Variants in DCLK2 observed in about 807,000 individuals in gnomAD.
The protein encoded by DCLK2 is doublecortin like kinase 2, also known as serine/threonine-protein kinase DCLK2.
Under a neutral mutation model 78.4 loss-of-function variants are expected in DCLK2, and 31 were observed. The ratio of observed to expected loss-of-function variants is 0.40; its 90% CI spans 0.30 to 0.53. The LOEUF (loss-of-function observed/expected upper bound fraction) is 0.53, where lower values mean the gene tolerates loss of function less well. Ranked by LOEUF, DCLK2 falls within the 20% of genes least tolerant of loss-of-function variation. The probability of loss-of-function intolerance (pLI) is 0.61; values close to 1 mark genes in which losing one functional copy is unlikely to be tolerated. For synonymous variants in DCLK2, 407 were observed against 374.9 expected (o/e 1.09, Z -0.99); for missense variants, 872 against 973.7 (o/e 0.90, Z 1.39).
intron 2 of DCLK2, among the ~76,000 whole-genome samples, chr4:150,116,584 A>G (rs1216612873): frequency 6.6e-6 from 1 of 152,194 alleles, no homozygotes; most frequent in Non-Finnish European, 1.5e-5. Context: ...AATGTCTTCA[A>G]GGGATCCAGT....
chr4:150,118,101 A>G (rs1243356891), intron 2 of DCLK2, among the ~76,000 whole-genome samples: 17 of 151,442 alleles, frequency 1.1e-4, no homozygotes, highest in Admixed American at 1.1e-3. Flanking sequence ...TGGACCCTAC[A>G]CTCTTCCTGG....
chr4:150,184,526 A>G (rs994730082), intron 2 of DCLK2, among the ~76,000 whole-genome samples: 1 of 152,068 alleles, frequency 6.6e-6, no homozygotes, highest in Admixed American at 6.6e-5. Context: ...AGAGTAAGAA[A>G]CACAAGATTT....
chr4:150,132,483 A>G (rs1733386625), intron 2 of DCLK2, among the ~76,000 whole-genome samples: 1 of 152,232 alleles, frequency 6.6e-6, no homozygotes. Context: ...GTTGATTCTC[A>G]CTATTCATGG....
At chr4:150,173,715 G>A (rs751473014) in intron 2 of DCLK2, among the ~76,000 whole-genome samples, 26 of 152,130 alleles carry the variant, frequency 1.7e-4, no homozygotes, top group Non-Finnish European at 2.9e-4. Flanking sequence ...CTTGAACTGG[G>A]AAACTGACAG....
intron 2 of DCLK2, among the ~76,000 whole-genome samples, chr4:150,149,759 G>C (rs1315940390): frequency 6.6e-6 from 1 of 152,152 alleles, no homozygotes; most frequent in Non-Finnish European, 1.5e-5. Context: ...TTTTGGAATT[G>C]TGTTTAATAC....
chr4:150,134,076 C>CTT (rs768954755), intron 2 of DCLK2, among the ~76,000 whole-genome samples: 1,638 of 94,748 alleles, frequency 0.017, 49 homozygotes, highest in African/African-American at 0.031. Context: ...CGTATAAACT[C>CTT]TTTTTTTTTT....
Position 150,149,563 on chromosome 4 carries a change from A to G in DCLK2, c.757-43575A>G, listed in dbSNP as rs184396780. On this transcript the variant is annotated intron_variant, in intron 2 of 15. Transcript: ENST00000296550. ...ATCATTTGTTTTGGCAATTGGCTGT[A>G]AAGATGCCTGGCATGAAGGGAGGTA... Among the ~76,000 whole-genome samples, 303 of 152,344 alleles carry G rather than the reference A, an allele frequency of 2.0e-3. 1 individual carries two copies. Among genetic ancestry groups the G allele is most frequent in the Middle Eastern group, 6.8e-3 (2 of 294 alleles).
At position 150,078,917 on chromosome 4, in the gene DCLK2, C is replaced by A; in HGVS notation, c.-111C>A. 1 of 1,335,514 alleles carries A rather than the reference C, an allele frequency of 7.5e-7. No individual in the cohort carries two copies. The highest frequency in any genetic ancestry group is 1.5e-5 in the African/African-American group (1 of 64,826). 82.7% of individuals were successfully genotyped at this position (1,335,514 alleles called of 1,614,324 possible). On this transcript the variant is annotated 5_prime_UTR_variant, in exon 1 of 16. Transcript: ENST00000296550. ...GCGCGGAGAGGGCGGGATGCCAGAG[C>A]CAGGTGTCCCGGCGCGTTAAGGGCC...
intron 8 of DCLK2, among the ~76,000 whole-genome samples, chr4:150,226,277 A>C (rs907790485): frequency 6.7e-6 from 1 of 149,528 alleles, no homozygotes; most frequent in African/African-American, 2.5e-5. Flanking sequence ...CATAGACTGC[A>C]TAGACTGTGC....
intron 6 of DCLK2, among the ~76,000 whole-genome samples, chr4:150,221,246 G>C (rs1741163750): frequency 6.6e-6 from 1 of 151,638 alleles, no homozygotes; most frequent in South Asian, 2.1e-4. Context: ...TTCTCTACTA[G>C]AAAATGTTGA....
At chr4:150,131,012 A>T (rs1560797476) in intron 2 of DCLK2, among the ~76,000 whole-genome samples, 1 of 152,174 alleles carries the variant, frequency 6.6e-6, no homozygotes, top group South Asian at 2.1e-4. Context: ...GTATGCTGCT[A>T]CAATGATTTG....
At chr4:150,099,594 G>A (rs1730721753) in intron 1 of DCLK2, among the ~76,000 whole-genome samples, 1 of 152,206 alleles carries the variant, frequency 6.6e-6, no homozygotes, top group African/African-American at 2.4e-5. Flanking sequence ...CCAGTACACA[G>A]AAACACTAAA....
At chr4:150,220,928 G>A (rs1479827844) in intron 6 of DCLK2, 150 bp downstream of exon 6, 5 of 550,696 alleles carry the variant, frequency 9.1e-6, no homozygotes, top group Middle Eastern at 2.7e-4. Context: ...AGTAAGAGGC[G>A]GGGATGGGGG....
At chr4:150,142,896 G>T (rs1174102167) in intron 2 of DCLK2, among the ~76,000 whole-genome samples, 2 of 151,200 alleles carry the variant, frequency 1.3e-5, no homozygotes, top group Non-Finnish European at 2.9e-5. Context: ...TGGGCCTTTA[G>T]TGTACCCATC....
intron 5 of DCLK2, among the ~76,000 whole-genome samples, chr4:150,220,086 G>T (rs957548753): frequency 6.6e-6 from 1 of 152,182 alleles, no homozygotes; most frequent in Non-Finnish European, 1.5e-5. Context: ...GTGGCCGTGG[G>T]TGGGGAATGG....
chr4:150,079,363 C>T lies in DCLK2; in HGVS notation c.336C>T (p.Asp112=). ...TAGAGCTCACCCGCTCCCTGTCGGA[C>T]AACGTGAACCTGCCCCAGGGTGTCC... is the stretch of plus-strand genomic sequence containing the variant. The part of the protein sequence containing the change: ...LLIELTRSLS[D]NVNLPQGVRT... Residue 112 remains aspartate, a synonymous_variant, in exon 1 of 16, where the codon GAC becomes GAT. Coordinates refer to ENST00000296550, the MANE Select transcript of DCLK2 (RefSeq NM_001040260.4). The T allele has an allele frequency of 2.5e-6, 4 of 1,589,274 alleles. No homozygotes were observed. The highest frequency in any genetic ancestry group is 3.4e-6 in the Non-Finnish European group (4 of 1,167,918).
rs1161291517 is a variant in DCLK2 at position 150,195,318 on chromosome 4, T to C, written c.859+2078T>C. Among the ~76,000 whole-genome samples the C allele has an allele frequency of 6.1e-4, 2 of 3,284 alleles. 1 individual carries two copies. The highest frequency in any genetic ancestry group is 1.3e-3 in the African/African-American group (2 of 1,490). 2.2% of individuals were successfully genotyped at this position (3,284 alleles called of 152,430 possible). On this transcript the variant is annotated intron_variant, in intron 3 of 15. Coordinates refer to ENST00000296550, the MANE Select transcript of DCLK2 (RefSeq NM_001040260.4). Reference sequence around the variant, plus strand: ...ATATATTATATATTATATTATATATTATATTATATATTATATATATTATAT... The same window carrying C: ...ATATATTATATATTATATTATATATCATATTATATATTATATATATTATAT...
chr4:150,107,403 G>C (rs1405476896), intron 2 of DCLK2, among the ~76,000 whole-genome samples: 3 of 131,164 alleles, frequency 2.3e-5, no homozygotes, highest in Non-Finnish European at 3.1e-5. Context: ...TTTGGAGACA[G>C]AATCTCACTC....
intron 12 of DCLK2, 87 bp downstream of exon 12, chr4:150,240,563 C>G: frequency 1.2e-6 from 1 of 868,346 alleles, no homozygotes; most frequent in Non-Finnish European, 1.6e-6. Flanking sequence ...GAAGTCGGGA[C>G]TGTTTGGTCA....
Sources: allele counts gnomAD v4.1 joint callset (sites outside exome capture counted in the v4.1 genomes callset), GRCh38; gene constraint gnomAD v4.1.1; transcripts MANE v1.5; gene names NCBI Gene and HGNC (gene_info 2026-07-23, HGNC 2026-07-21).